Variants in CYS1 observed in about 807,000 individuals in gnomAD.
The protein encoded by CYS1 is cystin-1.
CYS1 carries 5 observed loss-of-function variants against 9.6 expected under a neutral mutation model. The ratio of observed to expected loss-of-function variants is 0.52; its 90% CI spans 0.27 to 1.10. The LOEUF is 1.10. Among genes scored for constraint, CYS1 ranks in the 50% least tolerant of loss-of-function variants. CYS1 has a pLI of 0.11. For synonymous variants in CYS1, 88 were observed against 95.7 expected, an observed-to-expected ratio of 0.92 and a Z score of 0.47; for missense variants, 221 against 207.9, an observed-to-expected ratio of 1.06 and a Z score of -0.39.
intron 2 of CYS1, among the ~76,000 whole-genome samples, chr2:10,061,800 C>T (rs562178830): frequency 6.6e-6 from 1 of 152,120 alleles, no homozygotes; most frequent in Admixed American, 6.6e-5. Flanking sequence ...CCACCAACAC[C>T]GTGGGGCAAT....
In CYS1 at chr2:10,080,349, C is replaced by T; in HGVS notation, c.-126G>A. The T allele has an allele frequency of 3.9e-6, 2 of 508,798 alleles. No homozygotes were observed. The highest frequency in any genetic ancestry group is 5.1e-6 in the Non-Finnish European group (2 of 393,348). The allele number at this position is 508,798 out of a possible 1,614,324, so 31.5% of individuals were successfully genotyped here. A position where few individuals can be genotyped will look rare whatever the true frequency, so the allele number is the denominator to read the frequency against. On this transcript the variant is annotated 5_prime_UTR_variant, in exon 1 of 3. Coordinates refer to ENST00000381813, the MANE Select transcript of CYS1 (RefSeq NM_001037160.3). The surrounding 1 kb of genome is among the most constrained non-coding windows in gnomAD (Gnocchi z 6.4). Reference sequence around the variant, plus strand: ...GAGGCGCGGGGCGAGGTCCGGGAAGCGACCGCGGCCAGGGGCTAGGGTTCC... The same window carrying T: ...GAGGCGCGGGGCGAGGTCCGGGAAGTGACCGCGGCCAGGGGCTAGGGTTCC...
chr2:10,077,595 C>T (rs569928448), intron 1 of CYS1, among the ~76,000 whole-genome samples: 4 of 152,240 alleles, frequency 2.6e-5, no homozygotes, highest in Non-Finnish European at 4.4e-5. Context: ...GAAGTCAAGG[C>T]GGGTGAATCA....
intron 2 of CYS1, among the ~76,000 whole-genome samples, chr2:10,064,758 C>G (rs886215248): frequency 6.6e-5 from 10 of 151,960 alleles, no homozygotes; most frequent in Admixed American, 6.6e-5. Flanking sequence ...CCCTCTGTCA[C>G]CCAGGCTGGA....
chr2:10,059,398 TAATC>T (rs1661595857), intron 2 of CYS1, among the ~76,000 whole-genome samples: 1 of 152,240 alleles, frequency 6.6e-6, no homozygotes, highest in East Asian at 1.9e-4. Flanking sequence ...ACCACAGCCT[TAATC>T]AATGGGAATC....
chr2:10,074,148 A>G (rs942700089), intron 1 of CYS1, among the ~76,000 whole-genome samples: 1 of 152,214 alleles, frequency 6.6e-6, no homozygotes, highest in Non-Finnish European at 1.5e-5. Flanking sequence ...GGCATCAGCC[A>G]CTATCCAAAT....
At chr2:10,065,287 A>C (rs921925972) in intron 2 of CYS1, among the ~76,000 whole-genome samples, 4 of 152,154 alleles carry the variant, frequency 2.6e-5, no homozygotes, top group Non-Finnish European at 4.4e-5. Context: ...TTTCACTCCC[A>C]CAATCTTACC....
rs1572451688 is a variant in CYS1 at position 10,057,495 on chromosome 2, TA to T, written c.*1357del. On this transcript the variant is annotated 3_prime_UTR_variant, in exon 3 of 3. Transcript: ENST00000381813. Reference sequence around the variant, plus strand: ...GAGATGCTCCTGCTCTGCTGTGTTCTAAGGACCTGCGAGCTGGAGCTCTTCT... The same window carrying T: ...GAGATGCTCCTGCTCTGCTGTGTTCTAGGACCTGCGAGCTGGAGCTCTTCT... 6.6e-6 allele frequency: 1 copy of T among 152,464 alleles called. No individual in the cohort carries two copies. Among genetic ancestry groups the T allele is most frequent in the East Asian group, 1.9e-4 (1 of 5,194 alleles). 9.4% of individuals were successfully genotyped at this position (152,464 alleles called of 1,614,324 possible).
chr2:10,073,228 C>T (rs55880534), intron 1 of CYS1, among the ~76,000 whole-genome samples: 177 of 140,430 alleles, frequency 1.3e-3, no homozygotes, highest in African/African-American at 4.1e-3. Flanking sequence ...CCCCCCCCGG[C>T]TGTGGGCTGC....
chr2:10,066,474 A>G (rs1048499314), intron 1 of CYS1, among the ~76,000 whole-genome samples: 2 of 151,956 alleles, frequency 1.3e-5, no homozygotes, highest in African/African-American at 4.8e-5. Flanking sequence ...TCCCTCCCCC[A>G]CTGAAGTGCT....
chr2:10,078,707 T>G (rs1271252914), intron 1 of CYS1, among the ~76,000 whole-genome samples: 1 of 152,112 alleles, frequency 6.6e-6, no homozygotes, highest in Non-Finnish European at 1.5e-5. Context: ...CTTTCTACTT[T>G]CCCCCATCGA....
At chr2:10,066,048 C>G in intron 1 of CYS1, 92 bp from the exon 2 acceptor site, 1 of 1,386,240 alleles carries the variant, frequency 7.2e-7, no homozygotes, top group Non-Finnish European at 1.0e-6. Flanking sequence ...CGATGGCCAC[C>G]ACTTTCAACC....
At position 10,080,381 on chromosome 2, in the gene CYS1, G is replaced by C. The variant is rs1367622467; in HGVS notation, c.-158C>G. On this transcript the variant is annotated 5_prime_UTR_variant, in exon 1 of 3. Transcript: ENST00000381813. The surrounding 1 kb of genome is among the most constrained non-coding windows in gnomAD (Gnocchi z 6.4). ...GGCCAGGGGCTAGGGTTCCCGGGCG[G>C]GGGTCGCGGCCGGAGGACGGGGGTG... The C allele has an allele frequency of 1.0e-5, 3 of 285,906 alleles. No homozygotes were observed. The highest frequency in any genetic ancestry group is 1.6e-5 in the Non-Finnish European group (3 of 188,420). 17.7% of individuals were successfully genotyped at this position (285,906 alleles called of 1,614,324 possible). A position where few individuals can be genotyped will look rare whatever the true frequency, so the allele number is the denominator to read the frequency against.
chr2:10,080,237 C>T lies in CYS1; in HGVS notation c.-14G>A, dbSNP rs1318612896. 1.1e-5 allele frequency: 12 copies of T among 1,044,444 alleles called. No individual in the cohort carries two copies. The highest frequency in any genetic ancestry group is 1.1e-4 in the Admixed American group (2 of 17,714). 64.7% of individuals were successfully genotyped at this position (1,044,444 alleles called of 1,614,324 possible). On this transcript the variant is annotated 5_prime_UTR_variant, in exon 1 of 3. Transcript: ENST00000381813. This position sits in a 1 kb window ranked among gnomAD's most constrained non-coding sequence, Gnocchi z 6.4. ...GCCGCTGCCCATGGCGCGCCCGCCGCCTCCCGGACCGCCGAGGGGGCCCCC... is the reference window on the plus strand; with the variant it reads ...GCCGCTGCCCATGGCGCGCCCGCCGTCTCCCGGACCGCCGAGGGGGCCCCC...
chr2:10,067,459 G>A (rs974057010), intron 1 of CYS1, among the ~76,000 whole-genome samples: 11 of 141,132 alleles, frequency 7.8e-5, no homozygotes, highest in African/African-American at 8.0e-5. Flanking sequence ...CCAGACTGGA[G>A]TGCAGTGGCC....
intron 1 of CYS1, among the ~76,000 whole-genome samples, chr2:10,072,221 T>C (rs1661777094): frequency 6.6e-6 from 1 of 152,160 alleles, no homozygotes; most frequent in Admixed American, 6.5e-5. Context: ...TAGCTGGGAT[T>C]ACAGGCATCC....
chr2:10,060,235 C>T (rs574772611), intron 2 of CYS1, among the ~76,000 whole-genome samples: 10 of 152,228 alleles, frequency 6.6e-5, no homozygotes, highest in East Asian at 3.8e-4. Context: ...ATGGGAACAC[C>T]GCCAACTGCT....
intron 1 of CYS1, among the ~76,000 whole-genome samples, chr2:10,072,816 T>A (rs1420363498): frequency 6.6e-6 from 1 of 152,098 alleles, no homozygotes; most frequent in African/African-American, 2.4e-5. Flanking sequence ...AGCTCCACTG[T>A]AGGGCTTTGC....
At chr2:10,066,229 G>A (rs1360837402) in intron 1 of CYS1, among the ~76,000 whole-genome samples, 1 of 152,226 alleles carries the variant, frequency 6.6e-6, no homozygotes, top group Non-Finnish European at 1.5e-5. Flanking sequence ...GGCCACCCAT[G>A]TGAGGGTTGT....
chr2:10,066,618 G>A (rs926662215), intron 1 of CYS1, among the ~76,000 whole-genome samples: 4 of 152,272 alleles, frequency 2.6e-5, no homozygotes, highest in Non-Finnish European at 5.9e-5. Flanking sequence ...AAGCCTGGCT[G>A]TCCGCTAAAG....
Sources: allele counts gnomAD v4.1 joint callset (sites outside exome capture counted in the v4.1 genomes callset), GRCh38; gene constraint gnomAD v4.1.1; non-coding constraint Gnocchi (gnomAD v3.1); transcripts MANE v1.5; gene names NCBI Gene and HGNC (gene_info 2026-07-23, HGNC 2026-07-21).